PDE4D: variants seen among roughly 807,000 people sequenced by gnomAD.
PDE4D encodes the protein phosphodiesterase 4D.
PDE4D carries 24 observed loss-of-function variants against 87.4 expected under a neutral mutation model. That is an observed-to-expected ratio of 0.27 (90% CI 0.20 to 0.39). The LOEUF (loss-of-function observed/expected upper bound fraction) is 0.39. PDE4D is among the 10% of genes least tolerant of loss of function. The pLI is 1.00. For synonymous variants in PDE4D, 384 were observed against 383.2 expected (o/e 1.00, Z -0.02); for missense variants, 714 against 1,041.0 (o/e 0.69, Z 4.32).
chr5:59,207,874 A>G (rs1749159976), intron 2 of PDE4D, among the ~76,000 whole-genome samples: 1 of 151,226 alleles, frequency 6.6e-6, no homozygotes, highest in Admixed American at 6.6e-5. Context: ...TTTCACATTT[A>G]AAAGATTTAA....
intron 1 of PDE4D, among the ~76,000 whole-genome samples, chr5:59,757,279 G>A (rs910575187): frequency 6.6e-6 from 1 of 152,250 alleles, no homozygotes; most frequent in Non-Finnish European, 1.5e-5. Flanking sequence ...ATTTGCTTAC[G>A]AAAACCAAAA....
chr5:60,254,895 T>C (rs1748876511), intron 1 of PDE4D, among the ~76,000 whole-genome samples: 1 of 151,852 alleles, frequency 6.6e-6, no homozygotes, highest in Non-Finnish European at 1.5e-5. Context: ...GTACCTGGCA[T>C]ATAATAAATG....
At chr5:59,636,491 T>C (rs771370813) in intron 1 of PDE4D, among the ~76,000 whole-genome samples, 1 of 152,152 alleles carries the variant, frequency 6.6e-6, no homozygotes. Flanking sequence ...TCAAGCTACC[T>C]GACTTCAAAC....
At chr5:59,008,755 GA>G (rs1201577997) in intron 6 of PDE4D, among the ~76,000 whole-genome samples, 2 of 151,894 alleles carry the variant, frequency 1.3e-5, no homozygotes, top group East Asian at 3.9e-4. Flanking sequence ...ATTTCTCTTT[GA>G]AAAAAACTGT....
At chr5:60,285,463 A>G (rs1436530923) in intron 1 of PDE4D, among the ~76,000 whole-genome samples, 1 of 148,110 alleles carries the variant, frequency 6.8e-6, no homozygotes, top group African/African-American at 2.5e-5. Context: ...AAGAACAAAC[A>G]AAAAAAAAAC....
chr5:60,229,516 T>G (rs541061611), intron 1 of PDE4D, among the ~76,000 whole-genome samples: 1 of 152,150 alleles, frequency 6.6e-6, no homozygotes, highest in Non-Finnish European at 1.5e-5. Flanking sequence ...TGAACTAGTT[T>G]TCAGAATATT....
chr5:59,365,505 T>C (rs548880011), intron 1 of PDE4D, among the ~76,000 whole-genome samples: 3 of 152,228 alleles, frequency 2.0e-5, no homozygotes, highest in Admixed American at 1.3e-4. Context: ...AGATGATTTT[T>C]CAGATCATCA....
At chr5:59,437,626 A>G (rs1479521490) in intron 1 of PDE4D, among the ~76,000 whole-genome samples, 2 of 151,746 alleles carry the variant, frequency 1.3e-5, no homozygotes, top group African/African-American at 4.8e-5. Context: ...TCATTTTTCT[A>G]CCCCAACCAG....
intron 5 of PDE4D, among the ~76,000 whole-genome samples, chr5:59,176,736 G>A (rs577785428): frequency 1.3e-5 from 2 of 152,278 alleles, no homozygotes; most frequent in African/African-American, 4.8e-5. Context: ...TTGGTTTACA[G>A]AAAAGTGATA....
chr5:60,516,107 T>C (rs1325091002), intron 1 of PDE4D, among the ~76,000 whole-genome samples: 1 of 152,254 alleles, frequency 6.6e-6, no homozygotes, highest in Non-Finnish European at 1.5e-5. Flanking sequence ...GTTTTGTGAA[T>C]ATTAAGTTTG....
At chr5:60,400,304 T>C (rs1026904945) in intron 1 of PDE4D, among the ~76,000 whole-genome samples, 3 of 151,592 alleles carry the variant, frequency 2.0e-5, no homozygotes, top group Middle Eastern at 3.4e-3. Context: ...GGACGGATCA[T>C]GAGGTCAGGA....
intron 1 of PDE4D, among the ~76,000 whole-genome samples, chr5:59,726,022 T>C (rs1756547970): frequency 1.3e-5 from 2 of 152,132 alleles, no homozygotes; most frequent in South Asian, 2.1e-4. Context: ...CCCACACCAC[T>C]GTGTCTGGCA....
intron 1 of PDE4D, among the ~76,000 whole-genome samples, chr5:59,258,318 C>T (rs1349193462): frequency 6.6e-6 from 1 of 151,872 alleles, no homozygotes; most frequent in African/African-American, 2.4e-5. Flanking sequence ...CTGTTTAACT[C>T]GGTCCCTCCT....
chr5:60,480,219 T>G (rs1748624269), intron 1 of PDE4D, among the ~76,000 whole-genome samples: 1 of 152,140 alleles, frequency 6.6e-6, no homozygotes, highest in Non-Finnish European at 1.5e-5. Flanking sequence ...CCATGAAAAC[T>G]GGCTATATCT....
intron 1 of PDE4D, among the ~76,000 whole-genome samples, chr5:59,619,272 T>C (rs918315262): frequency 6.6e-6 from 1 of 152,088 alleles, no homozygotes; most frequent in African/African-American, 2.4e-5. Flanking sequence ...GGGAAGGGAA[T>C]GGAGGCAAGG....
intron 1 of PDE4D, among the ~76,000 whole-genome samples, chr5:59,347,644 G>T (rs1289435379): frequency 6.6e-6 from 1 of 152,094 alleles, no homozygotes; most frequent in Non-Finnish European, 1.5e-5. Flanking sequence ...AAAGTTTTGA[G>T]ATAGTGTGAA....
chr5:60,015,312 C>T (rs1266967638), intron 2 of PDE4D, among the ~76,000 whole-genome samples: 1 of 152,186 alleles, frequency 6.6e-6, no homozygotes, highest in African/African-American at 2.4e-5. Context: ...CAACTATTCC[C>T]CTCATCCCTG....
intron 1 of PDE4D, among the ~76,000 whole-genome samples, chr5:60,475,516 T>C (rs7708284): frequency 0.036 from 5,537 of 152,236 alleles, 114 homozygotes; most frequent in Middle Eastern, 0.088. Flanking sequence ...TGGCTTTCCA[T>C]TAAACTCCAA....
intron 1 of PDE4D, among the ~76,000 whole-genome samples, chr5:59,386,563 C>G (rs1340453922): frequency 6.6e-6 from 1 of 151,608 alleles, no homozygotes; most frequent in Admixed American, 6.6e-5. Flanking sequence ...GTCTGCAATC[C>G]CAGGATTTCT....
Sources: gnomAD v4.1 joint callset for allele counts (sites outside exome capture counted in the v4.1 genomes callset) on GRCh38, gnomAD v4.1.1 for gene constraint, MANE v1.5 for transcripts, NCBI Gene and HGNC (gene_info 2026-07-23, HGNC 2026-07-21) for gene names.